The following MTMR2 variants were observed in gnomAD, a reference collection of about 807,000 sequenced individuals.
MTMR2 encodes the protein myotubularin related protein 2, also known as phosphatidylinositol-3,5-bisphosphate 3-phosphatase MTMR2.
MTMR2 carries 55 observed loss-of-function variants against 86.9 expected under a neutral mutation model. The observed-to-expected ratio is 0.63, with a 90% CI of 0.51 to 0.79. MTMR2 has a LOEUF of 0.79. Among genes scored for constraint, MTMR2 ranks in the 30% least tolerant of loss-of-function variants. The probability of loss-of-function intolerance (pLI) is 0.00; values close to 1 mark genes in which losing one functional copy is unlikely to be tolerated. For synonymous variants in MTMR2, 241 were observed against 266.8 expected, an observed-to-expected ratio of 0.90 and a Z score of 0.94; for missense variants, 659 against 772.3, an observed-to-expected ratio of 0.85 and a Z score of 1.74.
At chr11:95,858,062 A>G (rs1164430261) in intron 6 of MTMR2, among the ~76,000 whole-genome samples, 1 of 152,164 alleles carries the variant, frequency 6.6e-6, no homozygotes, top group East Asian at 1.9e-4. Context: ...TGTTGCTTTC[A>G]TCGCTAAACA....
Position 95,845,005 on chromosome 11 carries a change from A to G in MTMR2, c.1334T>C (p.Phe445Ser), listed in dbSNP as rs141311831. The change falls in exon 11 of 15, where the codon TTT (phenylalanine) becomes TCT (serine). Residue 445 changes from phenylalanine to serine, a missense_variant. Physicochemically the swap from Phe to Ser is radical, Grantham distance 155 (BLOSUM62 -2). This residue lies in a region of MTMR2 where 387 missense variants were observed against 526.3 expected (regional missense o/e 0.74). Transcript: ENST00000346299. ...LDGYYRTIRG[F>S]EVLVEKEWLS... ...CCATTCTTTCTCCACAAGGACTTCAAATCCTCGGATGGTTCGATAGTATCC... is the reference window on the plus strand; with the variant it reads ...CCATTCTTTCTCCACAAGGACTTCAGATCCTCGGATGGTTCGATAGTATCC... 1.2e-6 allele frequency: 2 copies of G among 1,613,868 alleles called. No individual in the cohort carries two copies. Among genetic ancestry groups the G allele is most frequent in the African/African-American group, 2.7e-5 (2 of 74,904 alleles).
At position 95,847,769 on chromosome 11, in the gene MTMR2, T is replaced by C; in HGVS notation, c.1124A>G (p.Glu375Gly). ...KLKEIVYPNI[E>G]ETHWLSNLES... ...CAAGTTAGACAACCAGTGGGTTTCC[T>C]CAATGTTGGGGTACACAATCTCCTT... Residue 375 changes from glutamate to glycine, a missense_variant, in exon 10 of 15, where the codon GAG (glutamate) becomes GGG (glycine). Glu to Gly is a moderately conservative substitution (Grantham distance 98). Around this residue, in one of 3 missense-constraint regions of MTMR2, gnomAD observed 387 missense variants for 526.3 expected, o/e 0.74. Transcript: ENST00000346299. The C allele has an allele frequency of 6.2e-7, 1 of 1,613,688 alleles. No homozygotes were observed. Among genetic ancestry groups the C allele is most frequent in the South Asian group, 1.1e-5 (1 of 91,080 alleles).
chr11:95,903,385 C>T (rs1866144550), intron 1 of MTMR2, among the ~76,000 whole-genome samples: 1 of 152,160 alleles, frequency 6.6e-6, no homozygotes, highest in South Asian at 2.1e-4. Context: ...CTTGCCCTTG[C>T]TTACTTCATA....
intron 1 of MTMR2, among the ~76,000 whole-genome samples, chr11:95,921,664 T>C (rs145726842): frequency 4.3e-4 from 65 of 152,330 alleles, no homozygotes; most frequent in African/African-American, 1.3e-3. Context: ...AAAAGATACA[T>C]AGAATTTAGC....
At chr11:95,893,406 A>G (rs1591029964) in intron 1 of MTMR2, among the ~76,000 whole-genome samples, 1 of 152,020 alleles carries the variant, frequency 6.6e-6, no homozygotes, top group African/African-American at 2.4e-5. Flanking sequence ...CCTTCATCTC[A>G]TCTTCAACCT....
chr11:95,918,422 G>C (rs1866788298), intron 1 of MTMR2, among the ~76,000 whole-genome samples: 1 of 152,172 alleles, frequency 6.6e-6, no homozygotes, highest in South Asian at 2.1e-4. Flanking sequence ...ATTGATAATA[G>C]CATAAAAAGG....
intron 2 of MTMR2, among the ~76,000 whole-genome samples, chr11:95,877,906 C>T (rs763182731): frequency 4.6e-5 from 7 of 151,920 alleles, no homozygotes; most frequent in Non-Finnish European, 1.0e-4. Context: ...GAATAAATTT[C>T]TGTTGTTTTA....
At chr11:95,849,651 T>A (rs748359833) in intron 9 of MTMR2, 23 bp downstream of exon 9, 2 of 1,586,104 alleles carry the variant, frequency 1.3e-6, no homozygotes, top group Middle Eastern at 1.7e-4. Context: ...ACCATAATTA[T>A]AATTACTAAG....
At chr11:95,852,282 G>A (rs1430500227) in intron 7 of MTMR2, among the ~76,000 whole-genome samples, 1 of 152,164 alleles carries the variant, frequency 6.6e-6, no homozygotes, top group Non-Finnish European at 1.5e-5. Context: ...GGAAGTAGTA[G>A]AGAATTCCAT....
chr11:95,880,775 G>T (rs1470254028), intron 2 of MTMR2, among the ~76,000 whole-genome samples: 1 of 151,894 alleles, frequency 6.6e-6, no homozygotes, highest in Non-Finnish European at 1.5e-5. Flanking sequence ...ACTTTCTGTT[G>T]GGTTGCATTT....
chr11:95,893,697 CTT>C (rs1332076942), intron 1 of MTMR2, among the ~76,000 whole-genome samples: 2 of 152,100 alleles, frequency 1.3e-5, no homozygotes, highest in African/African-American at 2.4e-5. Context: ...CCCCAAGTGA[CTT>C]TTTTAAACCA....
At chr11:95,893,732 A>G (rs1300462455) in intron 1 of MTMR2, among the ~76,000 whole-genome samples, 1 of 152,082 alleles carries the variant, frequency 6.6e-6, no homozygotes, top group East Asian at 1.9e-4. Context: ...TCTCCCACAC[A>G]GCTATCACAT....
intron 12 of MTMR2, among the ~76,000 whole-genome samples, chr11:95,838,764 C>G (rs201739953): frequency 6.6e-6 from 1 of 151,994 alleles, no homozygotes; most frequent in Non-Finnish European, 1.5e-5. Context: ...ACCAGAGTCC[C>G]TTGTAAGCCA....
Position 95,913,903 on chromosome 11 carries a change from C to T in MTMR2, c.80+9972G>A, listed in dbSNP as rs191461210. Among the ~76,000 whole-genome samples the T allele has an allele frequency of 7.9e-5, 12 of 152,228 alleles. No homozygotes were observed. The East Asian group carries it at 1.9e-3, about 24-fold the overall frequency. On this transcript the variant is annotated intron_variant, in intron 1 of 14. Coordinates refer to ENST00000346299, the MANE Select transcript of MTMR2 (RefSeq NM_016156.6). ...CACATCAATAGCTGGAAAGCAAAGA[C>T]CTTAGTATCTATAACATTTTGCATA...
intron 2 of MTMR2, among the ~76,000 whole-genome samples, chr11:95,882,896 T>C (rs1255586783): frequency 3.4e-5 from 2 of 59,678 alleles, no homozygotes; most frequent in Non-Finnish European, 9.4e-5. Context: ...CTAATTTTTT[T>C]TTTTTTTTTT....
intron 2 of MTMR2, among the ~76,000 whole-genome samples, chr11:95,876,184 C>T (rs1865104137): frequency 6.6e-6 from 1 of 152,140 alleles, no homozygotes; most frequent in South Asian, 2.1e-4. Flanking sequence ...TTTGGCTATG[C>T]CCTGCCCCCA....
chr11:95,879,095 A>G (rs674453), intron 2 of MTMR2, among the ~76,000 whole-genome samples: 42,650 of 151,956 alleles, frequency 0.28, 10,754 homozygotes, highest in African/African-American at 0.68. Context: ...GACCATGATC[A>G]TAACATGATA....
chr11:95,919,834 T>C (rs201681286), intron 1 of MTMR2, among the ~76,000 whole-genome samples: 1 of 152,298 alleles, frequency 6.6e-6, no homozygotes, highest in African/African-American at 2.4e-5. Flanking sequence ...ATTTAGATGT[T>C]CACTCAGCAC....
chr11:95,896,285 G>C (rs1056455934), intron 1 of MTMR2, among the ~76,000 whole-genome samples: 2 of 151,486 alleles, frequency 1.3e-5, no homozygotes, highest in Non-Finnish European at 2.9e-5. Context: ...ACGTATCTTT[G>C]CAAATGTTTG....
Sources: allele counts gnomAD v4.1 joint callset (sites outside exome capture counted in the v4.1 genomes callset), GRCh38; gene constraint gnomAD v4.1.1; regional missense constraint gnomAD v4.1.1; transcripts MANE v1.5; gene names NCBI Gene and HGNC (gene_info 2026-07-23, HGNC 2026-07-21).